ZNF462: variants seen among roughly 807,000 people sequenced by gnomAD.
ZNF462 encodes zinc finger PBX1-interacting protein.
A neutral mutation model predicts 201.9 loss-of-function variants in ZNF462; 10 were observed. That is an observed-to-expected ratio of 0.05 (90% CI 0.03 to 0.08). The LOEUF (loss-of-function observed/expected upper bound fraction) is 0.08. Ranked by LOEUF, ZNF462 falls within the 10% of genes least tolerant of loss-of-function variation. ZNF462 has a pLI of 1.00. For synonymous variants in ZNF462, 1,227 were observed against 1,193.3 expected (o/e 1.03, Z -0.58); for missense variants, 2,523 against 3,168.3 (o/e 0.80, Z 4.89).
rs750396787 is a variant in ZNF462 at position 106,950,679 on chromosome 9, GTGT to G, written c.6427+11577_6427+11579del. Reference sequence around the variant, plus strand: ...GCACATTAAAATTGATCAGTTCTGTGTGTTGTTCTGTGGACAATAAAATAAGAT... The same window carrying G: ...GCACATTAAAATTGATCAGTTCTGTGTGTTCTGTGGACAATAAAATAAGAT... On this transcript the variant is annotated intron_variant, in intron 7 of 12. Transcript: ENST00000277225. This position sits in a 1 kb window ranked among gnomAD's most constrained non-coding sequence, Gnocchi z 4.1. Among the ~76,000 whole-genome samples, 67 of 152,174 alleles carry G rather than the reference GTGT, an allele frequency of 4.4e-4. 1 individual carries two copies. Among genetic ancestry groups the G allele is most frequent in the Admixed American group, 2.4e-3 (37 of 15,272 alleles).
Position 107,003,268 on chromosome 9 carries a change from C to G in ZNF462, c.7057-26C>G. 6.2e-7 allele frequency: 1 copy of G among 1,612,204 alleles called. No homozygotes were observed. Among genetic ancestry groups the G allele is most frequent in the South Asian group, 1.1e-5 (1 of 90,784 alleles). The stretch of plus-strand genomic sequence containing the variant: ...CCCATTTGGTCTGCGGTTTATTATT[C>G]CATCATTTGTTTGGGCCTTTTTCAG... On this transcript the variant is annotated intron_variant, in intron 10 of 12. Transcript: ENST00000277225. This position sits in a 1 kb window ranked among gnomAD's most constrained non-coding sequence, Gnocchi z 4.4.
At chr9:106,936,198 A>G (rs1830624770) in intron 6 of ZNF462, among the ~76,000 whole-genome samples, 1 of 152,232 alleles carries the variant, frequency 6.6e-6, no homozygotes, top group African/African-American at 2.4e-5. Context: ...AAATACAGTC[A>G]GTCATCTATA....
At position 106,931,453 on chromosome 9, in the gene ZNF462, T is replaced by C. The variant is rs569507591; in HGVS notation, c.6012+764T>C. 6.8e-4 allele frequency among the ~76,000 whole-genome samples: 104 copies of C among 152,332 alleles called. 2 individuals carry two copies. The South Asian group carries it at 0.02, about 29-fold the overall frequency. ...AAGGGTACACGCGAACATATTTTTG[T>C]CATCTGCCCTTCTTGAGCTTACATC... On this transcript the variant is annotated intron_variant, in intron 4 of 12. Coordinates refer to ENST00000277225, the MANE Select transcript of ZNF462 (RefSeq NM_021224.6).
At chr9:106,937,120 T>C (rs1830663155) in intron 6 of ZNF462, among the ~76,000 whole-genome samples, 1 of 152,210 alleles carries the variant, frequency 6.6e-6, no homozygotes, top group Non-Finnish European at 1.5e-5. Context: ...GAAAAGGTAA[T>C]GTGTGCTAAC....
Position 106,993,305 on chromosome 9 carries a change from T to C in ZNF462, c.7056+8896T>C, listed in dbSNP as rs555783439. Among the ~76,000 whole-genome samples the C allele has an allele frequency of 3.9e-5, 6 of 152,174 alleles. No individual in the cohort carries two copies. The East Asian group carries it at 1.2e-3, about 29-fold the overall frequency. On this transcript the variant is annotated intron_variant, in intron 10 of 12. Coordinates refer to ENST00000277225, the MANE Select transcript of ZNF462 (RefSeq NM_021224.6). The surrounding 1 kb of genome is among the most constrained non-coding windows in gnomAD (Gnocchi z 4.0). ...CAAGAAAGGTCCTTAAAGTCAAATATACCATTCCTTTTAAGAACCAAAATC... is the reference window on the plus strand; with the variant it reads ...CAAGAAAGGTCCTTAAAGTCAAATACACCATTCCTTTTAAGAACCAAAATC...
chr9:106,918,208 A>G (rs1021484182), intron 1 of ZNF462, among the ~76,000 whole-genome samples: 11 of 152,116 alleles, frequency 7.2e-5, no homozygotes, highest in African/African-American at 2.7e-4. Context: ...TAACATGGAG[A>G]TAGTACCGAT....
chr9:106,947,184 G>A (rs1831147196), intron 7 of ZNF462, among the ~76,000 whole-genome samples: 1 of 152,146 alleles, frequency 6.6e-6, no homozygotes, highest in African/African-American at 2.4e-5. Context: ...AACAGTTTCC[G>A]AGTCGTCAAG....
At chr9:106,976,060 C>T (rs1235184902) in intron 9 of ZNF462, 1 of 152,220 alleles carries the variant, frequency 6.6e-6, no homozygotes, top group Non-Finnish European at 1.5e-5. Flanking sequence ...CCATCTACTT[C>T]ATTTCACAAA....
rs1832200781 is a variant in ZNF462, at chr9:106,968,906, A to C, written c.6428-3099A>C. ...CTGTTTGCCTTTCTAACCTGGGCAC[A>C]GAACGACCTCCTTCCTGCTCTTCAG... On this transcript the variant is annotated intron_variant, in intron 7 of 12. Coordinates refer to ENST00000277225, the MANE Select transcript of ZNF462 (RefSeq NM_021224.6). The surrounding 1 kb of genome is among the most constrained non-coding windows in gnomAD (Gnocchi z 4.0). Among the ~76,000 whole-genome samples, 1 of 152,196 alleles carries C rather than the reference A, an allele frequency of 6.6e-6. No individual in the cohort carries two copies. Among genetic ancestry groups the C allele is most frequent in the Non-Finnish European group, 1.5e-5 (1 of 68,034 alleles).
At position 106,928,114 on chromosome 9, in the gene ZNF462, C is replaced by T. The variant is rs1830276138; in HGVS notation, c.4202C>T (p.Ser1401Leu). The T allele has an allele frequency of 1.2e-6, 2 of 1,614,152 alleles. No individual in the cohort carries two copies. Among genetic ancestry groups the T allele is most frequent in the Non-Finnish European group, 1.7e-6 (2 of 1,180,036 alleles). Reference protein sequence around the residue: ...FHPWAMNGDESVLLDIIKEKD... With the variant: ...FHPWAMNGDELVLLDIIKEKD... ...CCCTGGGCCATGAATGGTGATGAGT[C>T]AGTGCTACTGGACATCATCAAGGAG... The change falls in exon 3 of 13, where the codon TCA becomes TTA. Residue 1401 changes from serine (S) to leucine (L), a missense_variant. Ser to Leu is a moderately radical substitution (Grantham distance 145). Coordinates refer to ENST00000277225, the MANE Select transcript of ZNF462 (RefSeq NM_021224.6). The surrounding 1 kb of genome is among the most constrained non-coding windows in gnomAD (Gnocchi z 9.3).
At chr9:106,910,611 C>G (rs906077865) in intron 1 of ZNF462, among the ~76,000 whole-genome samples, 1 of 152,088 alleles carries the variant, frequency 6.6e-6, no homozygotes, top group Non-Finnish European at 1.5e-5. Flanking sequence ...TCTCTCTGAA[C>G]TTCATGATTC....
chr9:106,952,992 T>G (rs10978682), intron 7 of ZNF462, among the ~76,000 whole-genome samples: 13,806 of 152,166 alleles, frequency 0.091, 2,011 homozygotes, highest in African/African-American at 0.31. Context: ...AGTTCTTAGA[T>G]GTACTGTTTT....
Position 107,005,303 on chromosome 9 carries a change from C to G in ZNF462, c.7189+1877C>G, listed in dbSNP as rs546936168. Among the ~76,000 whole-genome samples, 4 of 152,134 alleles carry G rather than the reference C, an allele frequency of 2.6e-5. No homozygotes were observed. Among genetic ancestry groups the G allele is most frequent in the Non-Finnish European group, 5.9e-5 (4 of 68,022 alleles). On this transcript the variant is annotated intron_variant, in intron 11 of 12. Coordinates refer to ENST00000277225, the MANE Select transcript of ZNF462 (RefSeq NM_021224.6). This position sits in a 1 kb window ranked among gnomAD's most constrained non-coding sequence, Gnocchi z 4.4. Reference sequence around the variant, plus strand: ...AGGAACCTCCATGCTGTTTCCATAACGGGTGTACTAATTTGCAGTCCCACC... The same window carrying G: ...AGGAACCTCCATGCTGTTTCCATAAGGGGTGTACTAATTTGCAGTCCCACC...
chr9:106,929,495 G>A lies in ZNF462; in HGVS notation c.5583G>A (p.Leu1861=). Residue 1861 remains leucine (L), a synonymous_variant, in exon 3 of 13, where the codon CTG becomes CTA. Transcript: ENST00000277225. This position sits in a 1 kb window ranked among gnomAD's most constrained non-coding sequence, Gnocchi z 8.7. Reference sequence around the variant, plus strand: ...AGCTGTCCTTTAGCACTGCAGAGCTGCTGTGCATGCATTACACTGACCACC... The same window carrying A: ...AGCTGTCCTTTAGCACTGCAGAGCTACTGTGCATGCATTACACTGACCACC... ...CFKLSFSTAE[L]LCMHYTDHHS... The A allele has an allele frequency of 1.2e-6, 2 of 1,614,130 alleles. No individual in the cohort carries two copies.
chr9:106,877,850 A>G (rs957427477), intron 1 of ZNF462, among the ~76,000 whole-genome samples: 4 of 152,154 alleles, frequency 2.6e-5, no homozygotes, highest in African/African-American at 9.7e-5. Flanking sequence ...ACTCAAAACT[A>G]AAGGAGTAGA....
rs771703587 is a variant in ZNF462, at chr9:106,974,261, G to A, written c.6820G>A (p.Val2274Met). ...CAAGCGCAACATGATTGACCACATC[G>A]TGCTGCACCGAGGTAACCTTTCTAA... ...KYKRNMIDHI[V>M]LHREERVVPI... Residue 2274 changes from valine to methionine, a missense_variant, in exon 9 of 13, where the codon GTG becomes ATG. By Grantham distance (21) the Val-to-Met change is conservative (BLOSUM62 1). Around this residue, in one of 15 missense-constraint regions of ZNF462, gnomAD observed 228 missense variants for 361.2 expected, o/e 0.63. Transcript: ENST00000277225. The surrounding 1 kb of genome is among the most constrained non-coding windows in gnomAD (Gnocchi z 4.0). 7 of 1,614,040 alleles carry A rather than the reference G, an allele frequency of 4.3e-6. No homozygotes were observed. Among genetic ancestry groups the A allele is most frequent in the South Asian group, 1.1e-5 (1 of 91,072 alleles).
At chr9:106,874,883 G>T (rs1015552350) in intron 1 of ZNF462, among the ~76,000 whole-genome samples, 3 of 152,188 alleles carry the variant, frequency 2.0e-5, no homozygotes, top group Non-Finnish European at 4.4e-5. Flanking sequence ...GCTGTAGCTT[G>T]TTAATAATGA....
rs1015817444 is a variant in ZNF462 at position 106,926,435 on chromosome 9, G to C, written c.2523G>C (p.Arg841Ser). 24 of 1,614,002 alleles carry C rather than the reference G, an allele frequency of 1.5e-5. No homozygotes were observed. In the Admixed American group the frequency reaches 3.3e-4, roughly 22 times the overall value. ...SENTDFGDSGRLYYCKHCDFN... is the reference protein window; with the variant it reads ...SENTDFGDSGSLYYCKHCDFN... ...ACACAGACTTTGGTGACTCTGGAAG[G>C]CTTTACTATTGTAAACACTGTGACT... Residue 841 changes from arginine (R) to serine (S), a missense_variant, in exon 3 of 13, where the codon AGG (arginine) becomes AGC (serine). Around this residue, in one of 15 missense-constraint regions of ZNF462, gnomAD observed 383 missense variants for 453.4 expected, o/e 0.84. Coordinates refer to ENST00000277225, the MANE Select transcript of ZNF462 (RefSeq NM_021224.6). The surrounding 1 kb of genome is among the most constrained non-coding windows in gnomAD (Gnocchi z 7.9).
At position 106,993,681 on chromosome 9, in the gene ZNF462, AAC is replaced by A. The variant is rs1828466214; in HGVS notation, c.7056+9278_7056+9279del. On this transcript the variant is annotated intron_variant, in intron 10 of 12. Coordinates refer to ENST00000277225, the MANE Select transcript of ZNF462 (RefSeq NM_021224.6). This position sits in a 1 kb window ranked among gnomAD's most constrained non-coding sequence, Gnocchi z 4.0. Reference sequence around the variant, plus strand: ...TCTGTCCCCCAACATTCTACCCCCCAACACACATAGTGAATTATTTATCAGTA... The same window carrying A: ...TCTGTCCCCCAACATTCTACCCCCCAACACATAGTGAATTATTTATCAGTA... 7.2e-6 allele frequency among the ~76,000 whole-genome samples: 1 copy of A among 139,750 alleles called. No homozygotes were observed. Among genetic ancestry groups the A allele is most frequent in the Non-Finnish European group, 1.5e-5 (1 of 65,208 alleles). The allele number at this position is 139,750 out of a possible 152,430, so 91.7% of individuals were successfully genotyped here.
Sources: gnomAD v4.1 joint callset for allele counts (sites outside exome capture counted in the v4.1 genomes callset) on GRCh38, gnomAD v4.1.1 for gene constraint, gnomAD v4.1.1 regional missense constraint, Gnocchi (gnomAD v3.1) non-coding constraint, MANE v1.5 for transcripts, NCBI Gene and HGNC (gene_info 2026-07-23, HGNC 2026-07-21) for gene names.